The following TP53BP1 variants were observed in gnomAD, a reference collection of about 807,000 sequenced individuals.
TP53BP1 encodes TP53-binding protein 1.
TP53BP1 carries 61 observed loss-of-function variants against 200.8 expected under a neutral mutation model. That is an observed-to-expected ratio of 0.30 (90% CI 0.25 to 0.38). The LOEUF (loss-of-function observed/expected upper bound fraction) is 0.38, where lower values mean the gene tolerates loss of function less well. TP53BP1 is among the 10% of genes least tolerant of loss of function. The pLI is 1.00. For synonymous variants in TP53BP1, 822 were observed against 844.3 expected (o/e 0.97, Z 0.46); for missense variants, 2,144 against 2,371.9 (o/e 0.90, Z 2.00).
intron 11 of TP53BP1, among the ~76,000 whole-genome samples, chr15:43,457,836 T>C (rs921539802): frequency 6.6e-5 from 10 of 151,848 alleles, no homozygotes; most frequent in Non-Finnish European, 1.2e-4. Context: ...CTGGCCAACA[T>C]GGCGAAACCC....
chr15:43,456,817 G>A lies in TP53BP1; in HGVS notation c.1791C>T (p.Asp597=). 6.2e-7 allele frequency: 1 copy of A among 1,613,898 alleles called. No homozygotes were observed. Residue 597 remains aspartate, a synonymous_variant, in exon 12 of 28, where the codon GAC becomes GAT. Coordinates refer to ENST00000382044, the MANE Select transcript of TP53BP1 (RefSeq NM_001141980.3). ...CTAAAATACTAATGTCATCCCTGGTGTCTGTATCATCTCCCTTTGTTTTGT... is the reference window on the plus strand; with the variant it reads ...CTAAAATACTAATGTCATCCCTGGTATCTGTATCATCTCCCTTTGTTTTGT... The part of the protein sequence containing the change: ...NDDKTKGDDT[D]TRDDISILAT...
At chr15:43,490,762 T>C (rs1207105518) in intron 4 of TP53BP1, among the ~76,000 whole-genome samples, 1 of 152,188 alleles carries the variant, frequency 6.6e-6, no homozygotes, top group Non-Finnish European at 1.5e-5. Context: ...ACTAGCAATG[T>C]ACTCTAAAGC....
rs2264048 is a variant in TP53BP1 at position 43,473,969 on chromosome 15, G to T, written c.1180+704C>A. Among the ~76,000 whole-genome samples, 1,511 of 152,354 alleles carry T rather than the reference G, an allele frequency of 9.9e-3. 31 individuals carry two copies. The highest frequency in any genetic ancestry group is 0.035 in the African/African-American group (1,452 of 41,576). On this transcript the variant is annotated intron_variant, in intron 10 of 27. Transcript: ENST00000382044. ...CTCAGCCACACAGGAGCCCACGGAG[G>T]GGGTGGAAGGCTCAGGCATGGCGGG... is the stretch of plus-strand genomic sequence containing the variant.
At chr15:43,488,179 G>A (rs893045805) in intron 4 of TP53BP1, among the ~76,000 whole-genome samples, 30 of 151,604 alleles carry the variant, frequency 2.0e-4, no homozygotes, top group African/African-American at 5.6e-4. Context: ...TGTGCCTGTC[G>A]TCTCAGCTAC....
At chr15:43,459,273 G>A (rs1411977732) in intron 11 of TP53BP1, among the ~76,000 whole-genome samples, 1 of 152,072 alleles carries the variant, frequency 6.6e-6, no homozygotes, top group Non-Finnish European at 1.5e-5. Flanking sequence ...GGAGGCAGAG[G>A]TTGCAGTGAG....
At chr15:43,501,323 TC>T (rs1163202913) in intron 1 of TP53BP1, among the ~76,000 whole-genome samples, 1 of 151,970 alleles carries the variant, frequency 6.6e-6, no homozygotes, top group Non-Finnish European at 1.5e-5. Context: ...CAAGCAATCC[TC>T]CCAGCTCAGT....
At position 43,416,280 on chromosome 15, in the gene TP53BP1, C is replaced by T. The variant is rs1217680260; in HGVS notation, c.4818G>A (p.Gly1606=). ...EQGNRLREQY[G]LGPYEAVTPL... Reference sequence around the variant, plus strand: ...GTGTTACTGCTTCATAGGGGCCAAGCCCATACTGCTCTCTCAGTCTGTTTC... The same window carrying T: ...GTGTTACTGCTTCATAGGGGCCAAGTCCATACTGCTCTCTCAGTCTGTTTC... The change falls in exon 22 of 28, where the codon GGG becomes GGA. Residue 1606 remains glycine (G), a synonymous_variant. Transcript: ENST00000382044. 2 of 1,614,064 alleles carry T rather than the reference C, an allele frequency of 1.2e-6. No homozygotes were observed. Among genetic ancestry groups the T allele is most frequent in the African/African-American group, 2.7e-5 (2 of 74,916 alleles).
In TP53BP1 at chr15:43,456,623, T is replaced by G. The variant is rs1213510549; in HGVS notation, c.1985A>C (p.Glu662Ala). 4.3e-6 allele frequency: 7 copies of G among 1,614,048 alleles called. No homozygotes were observed. Among genetic ancestry groups the G allele is most frequent in the Non-Finnish European group, 5.1e-6 (6 of 1,180,014 alleles). ...AMEIKEHHPE[E>A]GSSGSEVEEI... ...TTCCACCTCAGACCCTGAAGACCCC[T>G]CCTCTGGATGGTGTTCTTTAATTTC... Residue 662 changes from glutamate to alanine, a missense_variant, in exon 12 of 28, where the codon GAG becomes GCG. Coordinates refer to ENST00000382044, the MANE Select transcript of TP53BP1 (RefSeq NM_001141980.3).
chr15:43,444,443 G>C (rs2143004087), intron 14 of TP53BP1, among the ~76,000 whole-genome samples: 1 of 152,278 alleles, frequency 6.6e-6, no homozygotes, highest in Middle Eastern at 3.4e-3. Flanking sequence ...AAAGATGATA[G>C]TAAGGATGGA....
At chr15:43,478,300 A>G (rs149836632) in intron 7 of TP53BP1, among the ~76,000 whole-genome samples, 47 of 152,312 alleles carry the variant, frequency 3.1e-4, no homozygotes, top group Non-Finnish European at 2.6e-4. Flanking sequence ...CCAGAGACTT[A>G]TGAGGTTCAC....
At chr15:43,418,749 G>A (rs962201500) in intron 21 of TP53BP1, among the ~76,000 whole-genome samples, 2 of 152,092 alleles carry the variant, frequency 1.3e-5, no homozygotes, top group Non-Finnish European at 2.9e-5. Context: ...AAATAAAAAG[G>A]CACTGTTCTT....
In TP53BP1 at chr15:43,406,600, G is replaced by GA. The variant is rs1476777956; in HGVS notation, c.*782dup. 6.6e-6 allele frequency: 3 copies of GA among 455,822 alleles called. No homozygotes were observed. The highest frequency in any genetic ancestry group is 2.0e-5 in the African/African-American group (1 of 50,044). 28.2% of individuals were successfully genotyped at this position (455,822 alleles called of 1,614,324 possible). On this transcript the variant is annotated 3_prime_UTR_variant, in exon 28 of 28. Coordinates refer to ENST00000382044, the MANE Select transcript of TP53BP1 (RefSeq NM_001141980.3). ...AATATTTACTCTTTGACCCTTTACA[G>GA]AAAAAAACCTTGTTGACCCCTGCTT...
intron 18 of TP53BP1, 98 bp from the exon 19 acceptor site, chr15:43,422,224 T>A: frequency 2.2e-6 from 3 of 1,348,874 alleles, no homozygotes; most frequent in Admixed American, 2.3e-5. Context: ...AAAATTATAA[T>A]TCAAAAAGGT....
Position 43,420,738 on chromosome 15 carries a change from A to G in TP53BP1, c.4251-3T>C, listed in dbSNP as rs773329206. 1.2e-6 allele frequency: 2 copies of G among 1,611,006 alleles called. No individual in the cohort carries two copies. Among genetic ancestry groups the G allele is most frequent in the Admixed American group, 1.7e-5 (1 of 59,710 alleles). On this transcript the variant is annotated splice_polypyrimidine_tract_variant and splice_region_variant and intron_variant, in intron 20 of 27. Coordinates refer to ENST00000382044, the MANE Select transcript of TP53BP1 (RefSeq NM_001141980.3). ...AGGGGCCAGGCACAGCTGTTTCTCT[A>G]AAGAGAGATAGGGGATAGGAGAAGC...
chr15:43,499,991 T>TA (rs1446111955), intron 1 of TP53BP1, among the ~76,000 whole-genome samples: 1 of 152,224 alleles, frequency 6.6e-6, no homozygotes, highest in Non-Finnish European at 1.5e-5. Flanking sequence ...CTTGAGCACT[T>TA]ACTATGTTCT....
At chr15:43,448,542 AT>A (rs971504418) in intron 12 of TP53BP1, among the ~76,000 whole-genome samples, 177 of 144,650 alleles carry the variant, frequency 1.2e-3, no homozygotes, top group Middle Eastern at 3.6e-3. Flanking sequence ...AAACAAAAAA[AT>A]TTTTTTTTTT....
In TP53BP1 at chr15:43,428,304, T is replaced by C. The variant is rs917318913; in HGVS notation, c.3676-136A>G. The C allele has an allele frequency of 6.6e-6, 5 of 752,990 alleles. No individual in the cohort carries two copies. The African/African-American group carries it at 8.7e-5, about 13-fold the overall frequency. 46.6% of individuals were successfully genotyped at this position (752,990 alleles called of 1,614,324 possible). ...ACAGAATCTTCCTACTGTTTTGTTT[T>C]ATCCACCTATAGGTAAGACCAGGGA... On this transcript the variant is annotated intron_variant, in intron 17 of 27. Coordinates refer to ENST00000382044, the MANE Select transcript of TP53BP1 (RefSeq NM_001141980.3).
At position 43,470,030 on chromosome 15, in the gene TP53BP1, C is replaced by T. The variant is rs778723745; in HGVS notation, c.1217G>A (p.Gly406Glu). The part of the protein sequence containing the change: ...PMDTSVLSEE[G>E]GEPFQKKLQS... ...AAGTTTCTTCTGAAAAGGCTCTCCT[C>T]CTTCTTCAGATAACACTGACGTGTC... Residue 406 changes from glycine to glutamate, a missense_variant, in exon 11 of 28, where the codon GGA becomes GAA. Physicochemically the swap from Gly to Glu is moderately conservative, Grantham distance 98. This residue lies in a region of TP53BP1 where 1,700 missense variants were observed against 1,710.3 expected (regional missense o/e 0.99). Transcript: ENST00000382044. 1.2e-6 allele frequency: 2 copies of T among 1,613,374 alleles called. No individual in the cohort carries two copies. The highest frequency in any genetic ancestry group is 1.1e-5 in the South Asian group (1 of 91,054).
rs543557201 is a variant in TP53BP1, at chr15:43,500,309, T to C, written c.-8-7841A>G. ...ACAAAAAGCTTGAAGATACTGTCTT[T>C]TTATTAACAGAAAAAATTTTAAAAG... is the stretch of plus-strand genomic sequence containing the variant. On this transcript the variant is annotated intron_variant, in intron 1 of 27. Transcript: ENST00000263801. Among the ~76,000 whole-genome samples, 42 of 152,316 alleles carry C rather than the reference T, an allele frequency of 2.8e-4. 1 individual carries two copies. In the South Asian group the frequency reaches 5.0e-3, roughly 18 times the overall value.
Sources: allele counts gnomAD v4.1 joint callset (sites outside exome capture counted in the v4.1 genomes callset), GRCh38; gene constraint gnomAD v4.1.1; regional missense constraint gnomAD v4.1.1; transcripts MANE v1.5; gene names NCBI Gene and HGNC (gene_info 2026-07-23, HGNC 2026-07-21).